RHBDL2: variants seen among roughly 807,000 people sequenced by gnomAD.
The protein encoded by RHBDL2 is rhomboid-related protein 2.
In RHBDL2, 26 loss-of-function variants were observed where a neutral mutation model predicts 31.7. The observed-to-expected ratio is 0.82, with a 90% confidence interval of 0.60 to 1.14. The LOEUF (loss-of-function observed/expected upper bound fraction) is 1.14. RHBDL2 is among the 50% of genes most tolerant of loss of function. The pLI is 0.00. For synonymous variants in RHBDL2, 123 were observed against 127.2 expected, an observed-to-expected ratio of 0.97 and a Z score of 0.22; for missense variants, 336 against 364.4, an observed-to-expected ratio of 0.92 and a Z score of 0.63.
At chr1:38,922,858 G>A (rs1278290974) in intron 1 of RHBDL2, among the ~76,000 whole-genome samples, 2 of 152,142 alleles carry the variant, frequency 1.3e-5, no homozygotes, top group African/African-American at 4.8e-5. Flanking sequence ...TTGGGAGGCC[G>A]AGGTCGGTGG....
intron 7 of RHBDL2, 29 bp downstream of exon 7, chr1:38,887,934 A>G (rs754791595): frequency 9.9e-6 from 15 of 1,513,066 alleles, no homozygotes; most frequent in South Asian, 4.6e-5. Flanking sequence ...ACTAATTTCT[A>G]TTTTATAAAA....
Sources: allele counts gnomAD v4.1 joint callset (sites outside exome capture counted in the v4.1 genomes callset), GRCh38; gene constraint gnomAD v4.1.1; transcripts MANE v1.5; gene names NCBI Gene and HGNC (gene_info 2026-07-23, HGNC 2026-07-21).